Variants in GGCX observed in about 807,000 individuals in gnomAD.
The protein encoded by GGCX is gamma-glutamyl carboxylase.
Under a neutral mutation model 88.5 loss-of-function variants are expected in GGCX, and 63 were observed. That is an observed-to-expected ratio of 0.71 (90% CI 0.58 to 0.88). The LOEUF is 0.88. Among genes scored for constraint, GGCX ranks in the 40% least tolerant of loss-of-function variants. The pLI is 0.00. For missense variants in GGCX, 805 were observed against 932.9 expected (o/e 0.86, Z 1.79); for synonymous variants, 368 against 365.8 (o/e 1.01, Z -0.07).
chr2:85,552,441 A>G lies in GGCX; in HGVS notation c.1414T>C (p.Ser472Pro). 1 of 1,613,972 alleles carries G rather than the reference A, an allele frequency of 6.2e-7. No homozygotes were observed. Among genetic ancestry groups the G allele is most frequent in the East Asian group, 2.2e-5 (1 of 44,886 alleles). Residue 472 changes from serine (S) to proline (P), a missense_variant, in exon 10 of 15, where the codon TCC becomes CCC. Ser to Pro is a moderately conservative substitution (Grantham distance 74). Around this residue, in one of 3 missense-constraint regions of GGCX, gnomAD observed 680 missense variants for 763.7 expected, o/e 0.89. Coordinates refer to ENST00000233838, the MANE Select transcript of GGCX (RefSeq NM_000821.7). ...EPQIYFDIWV[S>P]INDRFQQRIF... ...CTCTGCTGGAAGCGGTCATTGATGGAGACCCAAATATCAAAGTAGATCTGG... is the reference window on the plus strand; with the variant it reads ...CTCTGCTGGAAGCGGTCATTGATGGGGACCCAAATATCAAAGTAGATCTGG...
Position 85,546,883 on chromosome 2 carries a change from T to C in GGCX, c.*3051A>G, listed in dbSNP as rs764105070. ...TGCCAATACATTGCAGATAACCATA[T>C]TGGCTACATTAGGGGAATGAGCATG... On this transcript the variant is annotated 3_prime_UTR_variant, in exon 15 of 15. Transcript: ENST00000233838. 6.6e-6 allele frequency: 1 copy of C among 152,242 alleles called. No individual in the cohort carries two copies. The highest frequency in any genetic ancestry group is 1.5e-5 in the Non-Finnish European group (1 of 68,032). 9.4% of individuals were successfully genotyped at this position (152,242 alleles called of 1,614,324 possible).
rs1228961736 is a variant in GGCX at position 85,554,276 on chromosome 2, C to A, written c.756G>T (p.Leu252=). ...KLLLSEELTS[L]LVVHWGGLLL... ...GCAGCCCACCCCAGTGCACGACCAGCAGGCTAGTCAGCTCCTCAGACAACA... is the reference window on the plus strand; with the variant it reads ...GCAGCCCACCCCAGTGCACGACCAGAAGGCTAGTCAGCTCCTCAGACAACA... The change falls in exon 7 of 15, where the codon CTG becomes CTT. Residue 252 remains leucine (L), a synonymous_variant. Coordinates refer to ENST00000233838, the MANE Select transcript of GGCX (RefSeq NM_000821.7). 1 of 1,614,106 alleles carries A rather than the reference C, an allele frequency of 6.2e-7. No homozygotes were observed. Among genetic ancestry groups the A allele is most frequent in the Non-Finnish European group, 8.5e-7 (1 of 1,179,972 alleles).
chr2:85,556,669 CAACATAAACT>C (rs1692219336), intron 4 of GGCX, among the ~76,000 whole-genome samples: 1 of 152,092 alleles, frequency 6.6e-6, no homozygotes, highest in African/African-American at 2.4e-5. Context: ...GAGTAACACA[CAACATAAACT>C]AACATTTCAT....
intron 7 of GGCX, chr2:85,553,942 G>A: frequency 3.2e-6 from 2 of 622,622 alleles, no homozygotes; most frequent in Admixed American, 5.3e-5. Context: ...TCTTCCTGGA[G>A]ATTCCCTACT....
In GGCX at chr2:85,554,241, A is replaced by G. The variant is rs1160496272; in HGVS notation, c.791T>C (p.Leu264Pro). The G allele has an allele frequency of 1.2e-6, 2 of 1,613,648 alleles. No homozygotes were observed. The highest frequency in any genetic ancestry group is 2.2e-5 in the East Asian group (1 of 44,878). Residue 264 changes from leucine to proline, a missense_variant, in exon 7 of 15, where the codon CTC becomes CCC. Leu to Pro is a moderately conservative substitution (Grantham distance 98, BLOSUM62 -3). Coordinates refer to ENST00000233838, the MANE Select transcript of GGCX (RefSeq NM_000821.7). The stretch of plus-strand genomic sequence containing the variant: ...AAAAAAGAGCAGGAAACCAGCTGAG[A>G]GGTCAAGCAGCAGCCCACCCCAGTG... ...VVHWGGLLLD[L>P]SAGFLLFFDV... is the part of the protein sequence containing the mutation.
chr2:85,549,841 AAC>A lies in GGCX; in HGVS notation c.*91_*92del. 2 of 725,344 alleles carry A rather than the reference AAC, an allele frequency of 2.8e-6. No homozygotes were observed. The highest frequency in any genetic ancestry group is 2.3e-5 in the Admixed American group (1 of 43,840). 44.9% of individuals were successfully genotyped at this position (725,344 alleles called of 1,614,324 possible). ...CCCGCCCCCCCAAAAAAAAAAAAAA[AAC>A]TTTTGAGAATTTTTTTCAAATAAAT... On this transcript the variant is annotated 3_prime_UTR_variant, in exon 15 of 15. Transcript: ENST00000233838.
chr2:85,553,504 A>G lies in GGCX; in HGVS notation c.890-7T>C, dbSNP rs746028377. 2.5e-6 allele frequency: 4 copies of G among 1,613,224 alleles called. No individual in the cohort carries two copies. The highest frequency in any genetic ancestry group is 2.5e-6 in the Non-Finnish European group (3 of 1,179,920). ...ATGACGTAGGAGAACATACCTAGGA[A>G]AGCAGGGAGAAAATACATATTTCAG... is the stretch of plus-strand genomic sequence containing the variant. On this transcript the variant is annotated splice_polypyrimidine_tract_variant and splice_region_variant and intron_variant, in intron 7 of 14. Coordinates refer to ENST00000233838, the MANE Select transcript of GGCX (RefSeq NM_000821.7).
rs754495923 is a variant in GGCX, at chr2:85,553,005, G to A, written c.1221C>T (p.Ser407=). 5 of 1,614,094 alleles carry A rather than the reference G, an allele frequency of 3.1e-6. No homozygotes were observed. Among genetic ancestry groups the A allele is most frequent in the Non-Finnish European group, 4.2e-6 (5 of 1,179,912 alleles). ...GGTAGGTGATCTTCACGTGCTGGTG[G>A]GAGCGGGAGTGCACCATCATGTCCC... ...YSWDMMVHSR[S]HQHVKITYRD... Residue 407 remains serine, a synonymous_variant, in exon 9 of 15, where the codon TCC becomes TCT. Coordinates refer to ENST00000233838, the MANE Select transcript of GGCX (RefSeq NM_000821.7).
Position 85,560,916 on chromosome 2 carries a change from AAG to A in GGCX, c.111_112del (p.Leu38GlyfsTer3). On this transcript the variant is annotated frameshift_variant, in exon 2 of 15. Coordinates refer to ENST00000233838, the MANE Select transcript of GGCX (RefSeq NM_000821.7). LOFTEE classifies it high-confidence loss of function. ...GGACAAATCTGTCCACTCAAAACCCAAGAGTTTCCCTATTCGGCTGTCCTGCC... is the reference window on the plus strand; with the variant it reads ...GGACAAATCTGTCCACTCAAAACCCAAGTTTCCCTATTCGGCTGTCCTGCC... 1 of 1,614,026 alleles carries A rather than the reference AAG, an allele frequency of 6.2e-7. No homozygotes were observed. The highest frequency in any genetic ancestry group is 8.5e-7 in the Non-Finnish European group (1 of 1,179,866).
chr2:85,557,035 G>A (rs769120624), intron 4 of GGCX, among the ~76,000 whole-genome samples: 5 of 152,190 alleles, frequency 3.3e-5, no homozygotes, highest in Non-Finnish European at 7.3e-5. Flanking sequence ...GGAAGCTAAA[G>A]CGAGAGAATC....
At chr2:85,553,853 G>A (rs934235479) in intron 7 of GGCX, 3 of 479,394 alleles carry the variant, frequency 6.3e-6, no homozygotes, top group East Asian at 4.2e-5. Context: ...CACCCACCTC[G>A]GCCTCCCAAA....
chr2:85,552,644 A>G (rs1415893913), intron 9 of GGCX, 77 bp from the exon 10 acceptor site: 10 of 1,360,304 alleles, frequency 7.4e-6, no homozygotes, highest in Non-Finnish European at 8.4e-6. Flanking sequence ...CAATGGCACA[A>G]CGAGATCCCT....
rs1204469760 is a variant in GGCX, at chr2:85,561,060, C to A, written c.44-75G>T. On this transcript the variant is annotated intron_variant, in intron 1 of 14. Transcript: ENST00000233838. ...CAAATCAAAGAAATCACTGCACCAA[C>A]AGCTCAGAGCTTCCGCCCACCCGGG... The A allele has an allele frequency of 4.0e-6, 5 of 1,260,012 alleles. No individual in the cohort carries two copies. In the African/African-American group the frequency reaches 5.9e-5, roughly 15 times the overall value. The allele number at this position is 1,260,012 out of a possible 1,614,324, so 78.1% of individuals were successfully genotyped here.
rs59419074 is a variant in GGCX at position 85,549,826 on chromosome 2, CAA to C, written c.*106_*107del. ...AAACAGCTTTAGAACCCCGCCCCCC[CAA>C]AAAAAAAAAAAAAACTTTTGAGAAT... On this transcript the variant is annotated 3_prime_UTR_variant, in exon 15 of 15. Transcript: ENST00000233838. 1,119 of 471,336 alleles carry C rather than the reference CAA, an allele frequency of 2.4e-3. No homozygotes were observed. The highest frequency in any genetic ancestry group is 3.2e-3 in the Admixed American group (99 of 31,076). The allele number at this position is 471,336 out of a possible 1,614,324, so 29.2% of individuals were successfully genotyped here.
At position 85,547,744 on chromosome 2, in the gene GGCX, T is replaced by TA. The variant is rs1363786610; in HGVS notation, c.*2189dup. 1.3e-5 allele frequency: 2 copies of TA among 152,190 alleles called. No homozygotes were observed. Among genetic ancestry groups the TA allele is most frequent in the African/African-American group, 2.4e-5 (1 of 41,448 alleles). 9.4% of individuals were successfully genotyped at this position (152,190 alleles called of 1,614,324 possible). On this transcript the variant is annotated 3_prime_UTR_variant, in exon 15 of 15. Coordinates refer to ENST00000233838, the MANE Select transcript of GGCX (RefSeq NM_000821.7). ...CCACAGCCATTGCTTGCCCATATAA[T>TA]ACCTTGAATGAATTAGAGATTTTCC...
chr2:85,559,059 T>C lies in GGCX; in HGVS notation c.231A>G (p.Leu77=), dbSNP rs1692325833. Residue 77 remains leucine, a synonymous_variant, in exon 3 of 15, where the codon CTA becomes CTG. Coordinates refer to ENST00000233838, the MANE Select transcript of GGCX (RefSeq NM_000821.7). ...FRFLFGFLMV[L]DIPQERGLSS... Reference sequence around the variant, plus strand: ...TGAGCCCCCGCTCCTGGGGAATGTCTAGCACCATCAAGAACCCTAAGAAGG... The same window carrying C: ...TGAGCCCCCGCTCCTGGGGAATGTCCAGCACCATCAAGAACCCTAAGAAGG... The C allele has an allele frequency of 6.2e-7, 1 of 1,613,952 alleles. No homozygotes were observed. The highest frequency in any genetic ancestry group is 1.3e-5 in the African/African-American group (1 of 74,906).
intron 7 of GGCX, chr2:85,553,757 G>A (rs987893557): frequency 4.0e-6 from 2 of 504,290 alleles, no homozygotes; most frequent in Non-Finnish European, 7.2e-6. Flanking sequence ...GCGCCACCAT[G>A]CTCAGCTAAG....
In GGCX at chr2:85,551,499, C is replaced by T. The variant is rs750038705; in HGVS notation, c.1721G>A (p.Arg574Gln). 31 of 1,614,062 alleles carry T rather than the reference C, an allele frequency of 1.9e-5. No individual in the cohort carries two copies. The highest frequency in any genetic ancestry group is 5.5e-5 in the South Asian group (5 of 91,078). ...AAATACCTGCATTTTTTCTCCCTCT[C>T]GAAGAGTCTGGTTCTTCTGTTCTGC... is the stretch of plus-strand genomic sequence containing the variant. The part of the protein sequence containing the change: ...LVAEQKNQTL[R>Q]EGEKMQLPAG... Residue 574 changes from arginine (R) to glutamine (Q), a missense_variant, in exon 12 of 15, where the codon CGA (arginine) becomes CAA (glutamine). By Grantham distance (43) the Arg-to-Gln change is conservative (BLOSUM62 1). Coordinates refer to ENST00000233838, the MANE Select transcript of GGCX (RefSeq NM_000821.7).
rs1374203590 is a variant in GGCX, at chr2:85,546,991, TAAAC to T, written c.*2939_*2942del. 11 of 152,172 alleles carry T rather than the reference TAAAC, an allele frequency of 7.2e-5. No homozygotes were observed. The highest frequency in any genetic ancestry group is 2.2e-4 in the African/African-American group (9 of 41,436). The allele number at this position is 152,172 out of a possible 1,614,324, so 9.4% of individuals were successfully genotyped here. On this transcript the variant is annotated 3_prime_UTR_variant, in exon 15 of 15. Transcript: ENST00000233838. ...AAGGTTATGTTCAGTATTTGCTAAG[TAAAC>T]AAAGATTCCCCAACCTTGAGGGAGC... is the stretch of plus-strand genomic sequence containing the variant.
Sources: allele counts gnomAD v4.1 joint callset (sites outside exome capture counted in the v4.1 genomes callset), GRCh38; gene constraint gnomAD v4.1.1; regional missense constraint gnomAD v4.1.1; transcripts MANE v1.5; gene names NCBI Gene and HGNC (gene_info 2026-07-23, HGNC 2026-07-21).